MCCC2: variants seen among roughly 807,000 people sequenced by gnomAD.
The protein encoded by MCCC2 is methylcrotonyl-CoA carboxylase subunit 2.
Under a neutral mutation model 77.2 loss-of-function variants are expected in MCCC2, and 52 were observed. The observed-to-expected ratio is 0.67, with a 90% CI of 0.54 to 0.85. MCCC2 has a LOEUF of 0.85. Among genes scored for constraint, MCCC2 ranks in the 40% least tolerant of loss-of-function variants. The pLI, the probability that MCCC2 is intolerant of heterozygous loss-of-function variation, is 0.00. For missense variants in MCCC2, 682 were observed against 703.2 expected (o/e 0.97, Z 0.34); for synonymous variants, 253 against 248.4 (o/e 1.02, Z -0.18).
chr5:71,592,919 GT>G lies in MCCC2; in HGVS notation c.130-3del, dbSNP rs767192420. On this transcript the variant is annotated splice_polypyrimidine_tract_variant and splice_region_variant and intron_variant, in intron 1 of 16. Coordinates refer to ENST00000340941, the MANE Select transcript of MCCC2 (RefSeq NM_022132.5). ...TCTCTCCCCTGTCTCCTCTATTTCT[GT>G]TTTAGGAGAACTACAAGCAGATGAA... 2 of 1,598,452 alleles carry G rather than the reference GT, an allele frequency of 1.3e-6. No homozygotes were observed. The highest frequency in any genetic ancestry group is 4.5e-5 in the East Asian group (2 of 44,594).
intron 6 of MCCC2, among the ~76,000 whole-genome samples, chr5:71,623,432 C>G (rs1746425600): frequency 6.6e-6 from 1 of 152,144 alleles, no homozygotes; most frequent in African/African-American, 2.4e-5. Context: ...TGCTGGCCAG[C>G]GGCCTTCCTC....
intron 2 of MCCC2, among the ~76,000 whole-genome samples, chr5:71,593,381 C>T (rs925100544): frequency 5.9e-5 from 9 of 152,150 alleles, no homozygotes; most frequent in African/African-American, 2.2e-4. Context: ...TGAGCCACTA[C>T]TCCTGGCTGA....
intron 10 of MCCC2, chr5:71,635,673 C>T (rs1746890263): frequency 3.1e-6 from 1 of 317,548 alleles, no homozygotes; most frequent in Non-Finnish European, 6.1e-6. Flanking sequence ...ATGATTAGAC[C>T]TGATTACAGT....
intron 6 of MCCC2, among the ~76,000 whole-genome samples, chr5:71,619,316 C>T (rs1459131820): frequency 1.3e-5 from 2 of 151,994 alleles, no homozygotes; most frequent in African/African-American, 4.8e-5. Flanking sequence ...TGCAGTGGCA[C>T]AATCACAGCT....
At chr5:71,653,718 G>A (rs1392761089) in intron 16 of MCCC2, among the ~76,000 whole-genome samples, 1 of 151,978 alleles carries the variant, frequency 6.6e-6, no homozygotes, top group East Asian at 1.9e-4. Context: ...AGGCGTGATG[G>A]TGTGCACCTG....
intron 6 of MCCC2, among the ~76,000 whole-genome samples, chr5:71,625,330 AAAAG>A (rs1056937774): frequency 6.6e-6 from 1 of 152,256 alleles, no homozygotes; most frequent in Admixed American, 6.5e-5. Flanking sequence ...AGAAATTTGA[AAAAG>A]AAAGCCCATA....
At chr5:71,649,049 C>A (rs749571964) in intron 13 of MCCC2, 48 bp from the exon 14 acceptor site, 119 of 1,604,410 alleles carry the variant, frequency 7.4e-5, no homozygotes, top group Non-Finnish European at 9.4e-5. Context: ...TTGCGTTCCG[C>A]ATATTAATCC....
chr5:71,620,876 G>A (rs979643466), intron 6 of MCCC2, among the ~76,000 whole-genome samples: 2 of 152,156 alleles, frequency 1.3e-5, no homozygotes, highest in Admixed American at 1.3e-4. Context: ...AGTGATCTCT[G>A]TTTGTTCCTG....
At chr5:71,647,065 C>T (rs548212203) in intron 13 of MCCC2, among the ~76,000 whole-genome samples, 13 of 152,180 alleles carry the variant, frequency 8.5e-5, no homozygotes, top group South Asian at 2.1e-4. Context: ...AGGTCTGTTA[C>T]GGTTGAAGAG....
chr5:71,610,336 T>G (rs1745881130), intron 6 of MCCC2, among the ~76,000 whole-genome samples: 1 of 152,184 alleles, frequency 6.6e-6, no homozygotes, highest in South Asian at 2.1e-4. Flanking sequence ...ATTTTCCAGG[T>G]GCGTCCGTCA....
chr5:71,651,056 G>C (rs1380865148), intron 15 of MCCC2, among the ~76,000 whole-genome samples: 1 of 152,176 alleles, frequency 6.6e-6, no homozygotes, highest in East Asian at 1.9e-4. Flanking sequence ...TGGGATTACA[G>C]GTGTGTGCCA....
At chr5:71,631,340 AGGCCT>A (rs1176735873) in intron 7 of MCCC2, among the ~76,000 whole-genome samples, 2 of 152,130 alleles carry the variant, frequency 1.3e-5, no homozygotes, top group African/African-American at 4.8e-5. Context: ...ACCATGGAGA[AGGCCT>A]GGGCGGGTCA....
intron 7 of MCCC2, among the ~76,000 whole-genome samples, chr5:71,631,867 C>T (rs1382534894): frequency 6.6e-6 from 1 of 151,814 alleles, no homozygotes; most frequent in African/African-American, 2.4e-5. Context: ...AACGTGTGGG[C>T]TCAAATGAGA....
At chr5:71,605,924 A>G (rs1254538891) in intron 6 of MCCC2, among the ~76,000 whole-genome samples, 1 of 152,160 alleles carries the variant, frequency 6.6e-6, no homozygotes, top group Non-Finnish European at 1.5e-5. Context: ...GTTCTGTTCC[A>G]TTGATCTATA....
intron 6 of MCCC2, among the ~76,000 whole-genome samples, chr5:71,615,409 C>T (rs1431958508): frequency 1.3e-5 from 2 of 152,056 alleles, no homozygotes; most frequent in Admixed American, 6.5e-5. Flanking sequence ...TTTTCCTTTT[C>T]GTGAAATTCT....
In MCCC2 at chr5:71,634,391, T is replaced by C. The variant is rs115952350; in HGVS notation, c.804-552T>C. Among the ~76,000 whole-genome samples, 1,255 of 152,334 alleles carry C rather than the reference T, an allele frequency of 8.2e-3. 16 individuals are homozygous for C. Among genetic ancestry groups the C allele is most frequent in the African/African-American group, 0.028 (1,177 of 41,570 alleles). ...GGCCAATGTATTCAAGCCTTTTCATTTGTTGCCTGTGATGGCTTACTGTCA... is the reference window on the plus strand; with the variant it reads ...GGCCAATGTATTCAAGCCTTTTCATCTGTTGCCTGTGATGGCTTACTGTCA... On this transcript the variant is annotated intron_variant, in intron 8 of 16. Coordinates refer to ENST00000340941, the MANE Select transcript of MCCC2 (RefSeq NM_022132.5).
At chr5:71,652,976 A>G (rs941985130) in intron 16 of MCCC2, among the ~76,000 whole-genome samples, 2 of 152,208 alleles carry the variant, frequency 1.3e-5, no homozygotes, top group African/African-American at 4.8e-5. Context: ...ACTCACCACC[A>G]GTGGTCTGAT....
chr5:71,648,965 A>G (rs189835868), intron 13 of MCCC2, 132 bp from the exon 14 acceptor site: 8 of 1,044,220 alleles, frequency 7.7e-6, no homozygotes, highest in Admixed American at 7.1e-5. Context: ...TATGTTTCAC[A>G]TATAAACATT....
intron 6 of MCCC2, among the ~76,000 whole-genome samples, chr5:71,606,504 A>G (rs1190813783): frequency 7.0e-6 from 1 of 143,100 alleles, no homozygotes; most frequent in Non-Finnish European, 1.5e-5. Flanking sequence ...CTAGATATAC[A>G]ATCATGTCGT....
Sources: allele counts gnomAD v4.1 joint callset (sites outside exome capture counted in the v4.1 genomes callset), GRCh38; gene constraint gnomAD v4.1.1; transcripts MANE v1.5; gene names NCBI Gene and HGNC (gene_info 2026-07-23, HGNC 2026-07-21).